The following PREX2 variants were observed in gnomAD, a reference collection of about 807,000 sequenced individuals.
PREX2 encodes the protein phosphatidylinositol-3,4,5-trisphosphate dependent Rac exchange factor 2, also known as phosphatidylinositol 3,4,5-trisphosphate-dependent Rac exchanger 2 protein.
PREX2 carries 107 observed loss-of-function variants against 203.2 expected under a neutral mutation model. The observed-to-expected ratio is 0.53, with a 90% CI of 0.45 to 0.62. The LOEUF is 0.62. Ranked by LOEUF, PREX2 falls within the 20% of genes least tolerant of loss-of-function variation. The probability of loss-of-function intolerance (pLI) is 0.00; values close to 1 mark genes in which losing one functional copy is unlikely to be tolerated. For synonymous variants in PREX2, 672 were observed against 663.6 expected (o/e 1.01, Z -0.19); for missense variants, 1,777 against 1,955.9 (o/e 0.91, Z 1.72).
At chr8:68,037,897 A>C (rs1330830673) in intron 6 of PREX2, among the ~76,000 whole-genome samples, 4 of 152,116 alleles carry the variant, frequency 2.6e-5, no homozygotes, top group Non-Finnish European at 5.9e-5. Context: ...CATGTATTCT[A>C]TACGCTTGTG....
At chr8:68,045,501 T>G (rs1808325153) in intron 8 of PREX2, among the ~76,000 whole-genome samples, 2 of 152,094 alleles carry the variant, frequency 1.3e-5, no homozygotes, top group Non-Finnish European at 2.9e-5. Context: ...GAATTTCAAA[T>G]GCTCACCTGT....
chr8:68,164,677 G>C (rs1366788019), intron 35 of PREX2, among the ~76,000 whole-genome samples: 1 of 150,174 alleles, frequency 6.7e-6, no homozygotes, highest in South Asian at 2.1e-4. Context: ...CCACCTCCTG[G>C]GTTCAAATGA....
intron 13 of PREX2, among the ~76,000 whole-genome samples, chr8:68,070,324 A>G (rs1809159632): frequency 6.6e-6 from 1 of 151,808 alleles, no homozygotes; most frequent in South Asian, 2.1e-4. Flanking sequence ...TTTTTTCCCA[A>G]GAAAAGATTT....
At chr8:68,137,262 T>A (rs1214957111) in intron 32 of PREX2, among the ~76,000 whole-genome samples, 1 of 151,848 alleles carries the variant, frequency 6.6e-6, no homozygotes, top group Non-Finnish European at 1.5e-5. Flanking sequence ...TTTAAAAGGA[T>A]CATTGACATT....
At position 68,083,491 on chromosome 8, in the gene PREX2, T is replaced by C. The variant is rs571627444; in HGVS notation, c.2027+103T>C. The C allele has an allele frequency of 9.3e-6, 8 of 857,948 alleles. No individual in the cohort carries two copies. In the East Asian group the frequency reaches 2.1e-4, roughly 22 times the overall value. 53.1% of individuals were successfully genotyped at this position (857,948 alleles called of 1,614,324 possible). On this transcript the variant is annotated intron_variant, in intron 18 of 39. Transcript: ENST00000288368. ...GCTTAGAATTAAGCATCTCATTGCT[T>C]GGAACGCTTGAACCTCACCGGTATC...
At chr8:67,992,537 TA>T (rs980880465) in intron 1 of PREX2, among the ~76,000 whole-genome samples, 1 of 152,160 alleles carries the variant, frequency 6.6e-6, no homozygotes, top group Non-Finnish European at 1.5e-5. Flanking sequence ...TTGAACCTTT[TA>T]AAAAAAGTGA....
chr8:68,202,621 G>A (rs1370958066), intron 37 of PREX2, among the ~76,000 whole-genome samples: 3 of 152,188 alleles, frequency 2.0e-5, no homozygotes, highest in Admixed American at 6.5e-5. Flanking sequence ...GGAAAGGCTA[G>A]TTGTGAAAGG....
At chr8:67,957,958 T>G (rs1411467437) in intron 1 of PREX2, among the ~76,000 whole-genome samples, 1 of 152,122 alleles carries the variant, frequency 6.6e-6, no homozygotes, top group African/African-American at 2.4e-5. Flanking sequence ...AAGAGGAGAT[T>G]TGGACACACA....
chr8:67,972,100 T>C (rs1187991017), intron 1 of PREX2, among the ~76,000 whole-genome samples: 2 of 152,148 alleles, frequency 1.3e-5, no homozygotes, highest in Non-Finnish European at 2.9e-5. Context: ...TCCTTAATGG[T>C]TTTGTTTTGT....
At chr8:68,189,479 A>G (rs1812253405) in intron 35 of PREX2, among the ~76,000 whole-genome samples, 1 of 152,184 alleles carries the variant, frequency 6.6e-6, no homozygotes, top group Non-Finnish European at 1.5e-5. Context: ...CTCTCAGATT[A>G]TATCTCTTTC....
rs1403593008 is a variant in PREX2, at chr8:68,186,013, A to T, written c.4347-5709A>T. Among the ~76,000 whole-genome samples, 2 of 126,568 alleles carry T rather than the reference A, an allele frequency of 1.6e-5. 1 individual carries two copies. The highest frequency in any genetic ancestry group is 6.3e-5 in the African/African-American group (2 of 31,790). 83.0% of individuals were successfully genotyped at this position (126,568 alleles called of 152,430 possible). On this transcript the variant is annotated intron_variant, in intron 35 of 39. Transcript: ENST00000288368. ...TAAAATTTGATTAAGGAGCATTGCA[A>T]GACTTTTTTAATTAAGGAAAGTGCT...
chr8:68,057,084 G>A (rs144145062), intron 10 of PREX2, among the ~76,000 whole-genome samples: 217 of 152,246 alleles, frequency 1.4e-3, no homozygotes, highest in Admixed American at 6.3e-3. Context: ...GTCAGGGGAG[G>A]CAACTAGTGG....
chr8:68,105,664 G>A, intron 23 of PREX2: 1 of 526,276 alleles, frequency 1.9e-6, no homozygotes, highest in Non-Finnish European at 2.1e-6. Context: ...GTAAATGACA[G>A]ACCATATATA....
chr8:68,204,056 GA>G (rs1812561526), intron 37 of PREX2, among the ~76,000 whole-genome samples: 1 of 152,044 alleles, frequency 6.6e-6, no homozygotes, highest in African/African-American at 2.4e-5. Flanking sequence ...CACCAAAATA[GA>G]AATGAAATAA....
intron 6 of PREX2, among the ~76,000 whole-genome samples, chr8:68,032,357 A>T (rs1807910482): frequency 1.3e-5 from 2 of 152,200 alleles, no homozygotes; most frequent in African/African-American, 4.8e-5. Context: ...CAGGGGAGAT[A>T]ATATGAAAGT....
chr8:68,112,248 G>A (rs890617021), intron 25 of PREX2, among the ~76,000 whole-genome samples: 2 of 152,134 alleles, frequency 1.3e-5, no homozygotes, highest in African/African-American at 2.4e-5. Flanking sequence ...CCCTGCAATG[G>A]GCTATTTACT....
intron 30 of PREX2, 70 bp from the exon 31 acceptor site, chr8:68,127,308 A>C: frequency 8.3e-7 from 1 of 1,204,086 alleles, no homozygotes; most frequent in Non-Finnish European, 1.2e-6. Context: ...AATTTTGACT[A>C]CACAGTTAAA....
intron 5 of PREX2, among the ~76,000 whole-genome samples, chr8:68,029,079 G>A (rs1314551565): frequency 1.3e-5 from 2 of 152,014 alleles, no homozygotes; most frequent in African/African-American, 4.8e-5. Context: ...ATTCTGCTGG[G>A]ATTTTCTTTG....
At chr8:67,956,491 T>G (rs4236952) in intron 1 of PREX2, among the ~76,000 whole-genome samples, 33,738 of 152,218 alleles carry the variant, frequency 0.22, 4,838 homozygotes, top group East Asian at 0.54. Context: ...ACGGTGGACA[T>G]GAGCAGAGCA....
Sources: allele counts gnomAD v4.1 joint callset (sites outside exome capture counted in the v4.1 genomes callset), GRCh38; gene constraint gnomAD v4.1.1; transcripts MANE v1.5; gene names NCBI Gene and HGNC (gene_info 2026-07-23, HGNC 2026-07-21).